The following CNTN3 variants were observed in gnomAD, a reference collection of about 807,000 sequenced individuals.
CNTN3 encodes the protein contactin-3.
A neutral mutation model predicts 119.1 loss-of-function variants in CNTN3; 60 were observed. The observed-to-expected ratio is 0.50, with a 90% CI of 0.41 to 0.62. The LOEUF (loss-of-function observed/expected upper bound fraction) is 0.62. CNTN3 is among the 20% of genes least tolerant of loss of function. The probability of loss-of-function intolerance (pLI) is 0.00; values close to 1 mark genes in which losing one functional copy is unlikely to be tolerated. For synonymous variants in CNTN3, 450 were observed against 438.7 expected, an observed-to-expected ratio of 1.03 and a Z score of -0.32; for missense variants, 1,101 against 1,242.4, an observed-to-expected ratio of 0.89 and a Z score of 1.71.
At chr3:74,417,154 C>T (rs1701536758) in intron 5 of CNTN3, among the ~76,000 whole-genome samples, 1 of 152,008 alleles carries the variant, frequency 6.6e-6, no homozygotes, top group Non-Finnish European at 1.5e-5. Flanking sequence ...TGTGTCTGGC[C>T]AATAATAATG....
chr3:74,287,339 G>A (rs912306870), intron 19 of CNTN3, among the ~76,000 whole-genome samples: 8 of 152,078 alleles, frequency 5.3e-5, no homozygotes, highest in African/African-American at 1.9e-4. Flanking sequence ...TGTTCCTATT[G>A]TGAAGAGTCC....
intron 1 of CNTN3, among the ~76,000 whole-genome samples, chr3:74,530,101 G>A (rs1367978764): frequency 2.0e-5 from 3 of 152,114 alleles, no homozygotes; most frequent in African/African-American, 7.2e-5. Flanking sequence ...TCAGGTATAA[G>A]CACAGAGAAA....
At chr3:74,584,395 G>A (rs1393058938) in intron 1 of CNTN3, among the ~76,000 whole-genome samples, 1 of 152,152 alleles carries the variant, frequency 6.6e-6, no homozygotes, top group Admixed American at 6.5e-5. Context: ...GTGGGACCTA[G>A]TGTGGAGTGT....
At chr3:74,395,773 T>A (rs1705033214) in intron 5 of CNTN3, among the ~76,000 whole-genome samples, 1 of 152,224 alleles carries the variant, frequency 6.6e-6, no homozygotes, top group Admixed American at 6.5e-5. Flanking sequence ...TGTGTGTTTT[T>A]TTAAATTGAA....
chr3:74,474,547 G>A (rs1197786949), intron 4 of CNTN3, among the ~76,000 whole-genome samples: 1 of 152,012 alleles, frequency 6.6e-6, no homozygotes, highest in Non-Finnish European at 1.5e-5. Context: ...AGGTTGGAGT[G>A]CAGTGGTACG....
At chr3:74,532,777 G>A (rs532618220) in intron 1 of CNTN3, among the ~76,000 whole-genome samples, 2 of 152,100 alleles carry the variant, frequency 1.3e-5, no homozygotes, top group African/African-American at 2.4e-5. Flanking sequence ...TACAGCTGAC[G>A]TTGGGTAACT....
At chr3:74,459,602 C>T (rs1236313077) in intron 4 of CNTN3, among the ~76,000 whole-genome samples, 1 of 152,006 alleles carries the variant, frequency 6.6e-6, no homozygotes, top group African/African-American at 2.4e-5. Flanking sequence ...CCTATGCTTG[C>T]TGAGTTTCCT....
intron 1 of CNTN3, among the ~76,000 whole-genome samples, chr3:74,553,463 G>A (rs1014177271): frequency 7.2e-5 from 11 of 152,162 alleles, no homozygotes; most frequent in African/African-American, 2.2e-4. Context: ...TAATGGGATT[G>A]CTAGGTCAAA....
intron 13 of CNTN3, among the ~76,000 whole-genome samples, chr3:74,317,129 G>A (rs1412572654): frequency 2.0e-5 from 3 of 147,784 alleles, no homozygotes; most frequent in Non-Finnish European, 4.5e-5. Context: ...TTGGTTTAAA[G>A]TCTGTTTTAT....
At chr3:74,515,189 AT>A in intron 2 of CNTN3, among the ~76,000 whole-genome samples, 1 of 152,150 alleles carries the variant, frequency 6.6e-6, no homozygotes, top group East Asian at 1.9e-4. Flanking sequence ...CAAAAAGAAA[AT>A]TTTTAAAACT....
At position 74,457,430 on chromosome 3, in the gene CNTN3, T is replaced by C. The variant is rs148109634; in HGVS notation, c.358+29026A>G. On this transcript the variant is annotated intron_variant, in intron 4 of 22. Transcript: ENST00000263665. ...GCCTAAGGAAAATTACCTAAACTCT[T>C]TGAGACTTAATAATCTCATCTGTAG... is the stretch of plus-strand genomic sequence containing the variant. 4.4e-3 allele frequency among the ~76,000 whole-genome samples: 666 copies of C among 152,156 alleles called. 1 individual carries two copies. The highest frequency in any genetic ancestry group is 0.015 in the African/African-American group (606 of 41,534).
chr3:74,496,205 G>T (rs765833271), intron 3 of CNTN3, among the ~76,000 whole-genome samples: 2 of 152,144 alleles, frequency 1.3e-5, no homozygotes, highest in South Asian at 4.1e-4. Flanking sequence ...GGCCCACATG[G>T]GCCACATTCA....
chr3:74,313,824 C>T (rs1021334805), intron 13 of CNTN3, among the ~76,000 whole-genome samples: 7 of 152,052 alleles, frequency 4.6e-5, no homozygotes, highest in Admixed American at 4.6e-4. Context: ...GTGTCAGACC[C>T]TCAATCTCTC....
chr3:74,501,649 G>A (rs74789188), intron 2 of CNTN3, among the ~76,000 whole-genome samples: 5,240 of 152,054 alleles, frequency 0.034, 118 homozygotes, highest in South Asian at 0.081. Context: ...CAGCTGACTC[G>A]GGGCAACTTT....
Position 74,375,216 on chromosome 3 carries a change from T to C in CNTN3, c.455-3817A>G, listed in dbSNP as rs186219044. Among the ~76,000 whole-genome samples the C allele has an allele frequency of 1.7e-4, 26 of 152,092 alleles. 1 individual carries two copies. The East Asian group carries it at 5.0e-3, about 29-fold the overall frequency. On this transcript the variant is annotated intron_variant, in intron 5 of 22. Transcript: ENST00000263665. Reference sequence around the variant, plus strand: ...ACGAACAACAAAGAAAAACTAACTCTAAGGTTTTCAGCTTGGATAAATGGA... The same window carrying C: ...ACGAACAACAAAGAAAAACTAACTCCAAGGTTTTCAGCTTGGATAAATGGA...
At chr3:74,328,699 T>C (rs1703188116) in intron 13 of CNTN3, among the ~76,000 whole-genome samples, 1 of 152,160 alleles carries the variant, frequency 6.6e-6, no homozygotes, top group African/African-American at 2.4e-5. Flanking sequence ...GTTGAATAAA[T>C]GATGAGTCAG....
chr3:74,576,838 C>T (rs948227843), intron 1 of CNTN3, among the ~76,000 whole-genome samples: 2 of 152,010 alleles, frequency 1.3e-5, no homozygotes, highest in Non-Finnish European at 2.9e-5. Flanking sequence ...AGCCTTAAAT[C>T]GTACTTCCCT....
chr3:74,541,410 AGAAT>A (rs1703841364), intron 1 of CNTN3, among the ~76,000 whole-genome samples: 1 of 168 alleles, frequency 6.0e-3, no homozygotes, highest in Non-Finnish European at 0.017. Context: ...CATAGCAGAA[AGAAT>A]CAATGAAGTA....
chr3:74,448,329 C>T (rs1702085844), intron 4 of CNTN3, among the ~76,000 whole-genome samples: 1 of 152,124 alleles, frequency 6.6e-6, no homozygotes, highest in African/African-American at 2.4e-5. Flanking sequence ...GGCTTTATCT[C>T]ATGACACTAT....
Sources: gnomAD v4.1 joint callset for allele counts (sites outside exome capture counted in the v4.1 genomes callset) on GRCh38, gnomAD v4.1.1 for gene constraint, MANE v1.5 for transcripts, NCBI Gene and HGNC (gene_info 2026-07-23, HGNC 2026-07-21) for gene names.